The following SPATA13 variants were observed in gnomAD, a reference collection of about 807,000 sequenced individuals.
SPATA13 encodes the protein spermatogenesis-associated protein 13.
SPATA13 carries 50 observed loss-of-function variants against 104.0 expected under a neutral mutation model. The ratio of observed to expected loss-of-function variants is 0.48; its 90% CI spans 0.38 to 0.61. SPATA13 has a LOEUF of 0.61. Ranked by LOEUF, SPATA13 falls within the 20% of genes least tolerant of loss-of-function variation. The pLI is 0.00. For missense variants in SPATA13, 1,524 were observed against 1,690.6 expected, an observed-to-expected ratio of 0.90 and a Z score of 1.73; for synonymous variants, 606 against 667.5, an observed-to-expected ratio of 0.91 and a Z score of 1.42.
chr13:23,980,588 AGTTTT>A (rs370903619), intron 1 of SPATA13, among the ~76,000 whole-genome samples: 395 of 152,162 alleles, frequency 2.6e-3, no homozygotes, highest in Non-Finnish European at 2.8e-3. Context: ...TACTTAACGA[AGTTTT>A]GTTTTGTTTT....
In SPATA13 at chr13:24,081,968, T is replaced by C. The variant is rs147914780; in HGVS notation, c.-112+64267T>C. On this transcript the variant is annotated intron_variant, in intron 3 of 14. Transcript: ENST00000424834. ...AGTGGGATTGATGAGCCATAGGTCATATGCATATCTATTTATTTCACTGAG... is the reference window on the plus strand; with the variant it reads ...AGTGGGATTGATGAGCCATAGGTCACATGCATATCTATTTATTTCACTGAG... 5.3e-5 allele frequency among the ~76,000 whole-genome samples: 8 copies of C among 152,336 alleles called. No homozygotes were observed. In the East Asian group the frequency reaches 1.5e-3, roughly 29 times the overall value.
At chr13:23,989,316 G>A (rs1875296195) in intron 2 of SPATA13, among the ~76,000 whole-genome samples, 1 of 152,004 alleles carries the variant, frequency 6.6e-6, no homozygotes, top group South Asian at 2.1e-4. Flanking sequence ...CAGCTACTCA[G>A]GAGGCTGAGG....
At chr13:24,117,958 CA>C (rs891733152) in intron 3 of SPATA13, among the ~76,000 whole-genome samples, 1 of 151,848 alleles carries the variant, frequency 6.6e-6, no homozygotes, top group Non-Finnish European at 1.5e-5. Flanking sequence ...TTTCACTTTT[CA>C]AAAAAAATGG....
rs1871822607 is a variant in SPATA13, at chr13:24,224,567, A to C, written c.1638A>C (p.Glu546Asp). ...TTGGTGTGGCAGCCGGCCCAGAAGAAAAGGAGAAGGAGGAGGTAAGGGCAG... is the reference window on the plus strand; with the variant it reads ...TTGGTGTGGCAGCCGGCCCAGAAGACAAGGAGAAGGAGGAGGTAAGGGCAG... ...VNIGVAAGPEEKEKEEVVPDG... is the reference protein window; with the variant it reads ...VNIGVAAGPEDKEKEEVVPDG... The change falls in exon 2 of 13, where the codon GAA (glutamate) becomes GAC (aspartate). Residue 546 changes from glutamate to aspartate, a missense_variant. By Grantham distance (45) the Glu-to-Asp change is conservative. Around this residue, in one of 2 missense-constraint regions of SPATA13, gnomAD observed 1,089 missense variants for 1,135.9 expected, o/e 0.96. Coordinates refer to ENST00000382108, the MANE Select transcript of SPATA13 (RefSeq NM_001166271.3). 2 of 1,538,888 alleles carry C rather than the reference A, an allele frequency of 1.3e-6. No individual in the cohort carries two copies. Among genetic ancestry groups the C allele is most frequent in the Non-Finnish European group, 1.7e-6 (2 of 1,146,886 alleles).
chr13:24,095,743 C>T (rs1235124017), intron 3 of SPATA13, among the ~76,000 whole-genome samples: 1 of 152,136 alleles, frequency 6.6e-6, no homozygotes, highest in East Asian at 1.9e-4. Flanking sequence ...AAATTTGGTT[C>T]CCTGGGTTAA....
chr13:24,165,353 C>T (rs537451700), intron 1 of SPATA13, among the ~76,000 whole-genome samples: 1 of 152,316 alleles, frequency 6.6e-6, no homozygotes, highest in Non-Finnish European at 1.5e-5. Flanking sequence ...CTCTACCTGT[C>T]CAATCCAGGA....
intron 3 of SPATA13, among the ~76,000 whole-genome samples, chr13:24,149,778 G>C (rs1593361556): frequency 6.6e-6 from 1 of 152,220 alleles, no homozygotes. Context: ...GGAGAGCTGC[G>C]GGTCAGGTTG....
At chr13:24,302,459 CAAAAAAA>C (rs71070678) in intron 12 of SPATA13, 132 bp from the exon 13 acceptor site, 143 of 194,004 alleles carry the variant, frequency 7.4e-4, no homozygotes, top group Admixed American at 1.2e-3. Context: ...GACCCTGTCT[CAAAAAAA>C]AAAAAAAAAA....
At chr13:24,184,106 G>A (rs1868995519) in intron 1 of SPATA13, among the ~76,000 whole-genome samples, 1 of 152,140 alleles carries the variant, frequency 6.6e-6, no homozygotes, top group Non-Finnish European at 1.5e-5. Context: ...ACAGAGCTAT[G>A]AGGGCTTCCT....
At chr13:24,279,825 C>T (rs1012670934) in intron 4 of SPATA13, among the ~76,000 whole-genome samples, 2 of 152,200 alleles carry the variant, frequency 1.3e-5, no homozygotes, top group Non-Finnish European at 1.5e-5. Context: ...GACTTTCCCT[C>T]GTCCATGTTT....
chr13:24,011,901 T>C lies in SPATA13; in HGVS notation c.-146-5766T>C, dbSNP rs923016061. Among the ~76,000 whole-genome samples the C allele has an allele frequency of 3.3e-5, 3 of 91,406 alleles. No homozygotes were observed. In the South Asian group the frequency reaches 8.3e-4, roughly 25 times the overall value. The allele number at this position is 91,406 out of a possible 152,430, so 60.0% of individuals were successfully genotyped here. A position where few individuals can be genotyped will look rare whatever the true frequency, so the allele number is the denominator to read the frequency against. ...CCCACAGACCCAGAATGCTCAGCCT[T>C]CTTCTTTAAACTTGCAGCGGAGGCT... On this transcript the variant is annotated intron_variant, in intron 2 of 14. Transcript: ENST00000424834. This position sits in a 1 kb window ranked among gnomAD's most constrained non-coding sequence, Gnocchi z 4.3.
At chr13:24,194,803 A>G (rs1869961456) in intron 1 of SPATA13, among the ~76,000 whole-genome samples, 2 of 152,182 alleles carry the variant, frequency 1.3e-5, no homozygotes, top group African/African-American at 4.8e-5. Context: ...TTTAATCTCT[A>G]CCTGTCTAAG....
At chr13:24,102,678 G>T (rs9511052) in intron 3 of SPATA13, among the ~76,000 whole-genome samples, 122,692 of 151,822 alleles carry the variant, frequency 0.81, 52,025 homozygotes, top group Non-Finnish European at 0.94. Context: ...TTCACCACGT[G>T]GGCCAGGCTG....
intron 3 of SPATA13, among the ~76,000 whole-genome samples, chr13:24,071,901 G>A (rs1298574784): frequency 6.6e-6 from 1 of 152,144 alleles, no homozygotes; most frequent in Non-Finnish European, 1.5e-5. Context: ...CAGCTGACTC[G>A]AGTGCTCTAA....
intron 1 of SPATA13, among the ~76,000 whole-genome samples, chr13:24,174,225 G>A (rs1883119221): frequency 6.6e-6 from 1 of 152,186 alleles, no homozygotes; most frequent in South Asian, 2.1e-4. Flanking sequence ...TTTTGTTGAA[G>A]TTGTCAAGTT....
chr13:24,006,869 G>A (rs1287016386), intron 2 of SPATA13, among the ~76,000 whole-genome samples: 3 of 152,218 alleles, frequency 2.0e-5, no homozygotes, highest in African/African-American at 7.2e-5. Flanking sequence ...TAGGGGGAGA[G>A]GATGCCCCCG....
At chr13:24,163,085 G>C (rs1882574501) in intron 1 of SPATA13, among the ~76,000 whole-genome samples, 1 of 152,168 alleles carries the variant, frequency 6.6e-6, no homozygotes, top group South Asian at 2.1e-4. Context: ...GCCACAGGAA[G>C]CCCTGAAGAA....
intron 3 of SPATA13, among the ~76,000 whole-genome samples, chr13:24,141,222 T>C (rs1881752365): frequency 6.6e-6 from 1 of 151,330 alleles, no homozygotes; most frequent in African/African-American, 2.4e-5. Flanking sequence ...GGTTCAAGCC[T>C]GTAATTCCAA....
intron 3 of SPATA13, among the ~76,000 whole-genome samples, chr13:24,142,444 C>A (rs1021987214): frequency 2.0e-5 from 3 of 152,156 alleles, no homozygotes; most frequent in Non-Finnish European, 4.4e-5. Context: ...TTGAACAGCA[C>A]CAGCCCATTT....
Sources: allele counts gnomAD v4.1 joint callset (sites outside exome capture counted in the v4.1 genomes callset), GRCh38; gene constraint gnomAD v4.1.1; regional missense constraint gnomAD v4.1.1; non-coding constraint Gnocchi (gnomAD v3.1); transcripts MANE v1.5; gene names NCBI Gene and HGNC (gene_info 2026-07-23, HGNC 2026-07-21).